The following NRG2 variants were observed in gnomAD, a reference collection of about 807,000 sequenced individuals.
NRG2 encodes pro-neuregulin-2, membrane-bound isoform.
In NRG2, 27 loss-of-function variants were observed where a neutral mutation model predicts 73.9. The ratio of observed to expected loss-of-function variants is 0.37; its 90% CI spans 0.27 to 0.50. NRG2 has a LOEUF of 0.50. NRG2 is among the 20% of genes least tolerant of loss of function. The pLI is 0.96. For synonymous variants in NRG2, 532 were observed against 541.0 expected, an observed-to-expected ratio of 0.98 and a Z score of 0.23; for missense variants, 1,126 against 1,210.1, an observed-to-expected ratio of 0.93 and a Z score of 1.03.
chr5:140,000,609 T>C (rs958326854), intron 1 of NRG2, among the ~76,000 whole-genome samples: 5 of 152,224 alleles, frequency 3.3e-5, no homozygotes, highest in African/African-American at 7.2e-5. Flanking sequence ...TCACCCAAAA[T>C]AGAGCTGAGC....
intron 1 of NRG2, among the ~76,000 whole-genome samples, chr5:139,976,222 G>A (rs1561722772): frequency 6.6e-6 from 1 of 152,206 alleles, no homozygotes; most frequent in Non-Finnish European, 1.5e-5. Flanking sequence ...AGGGTTGTCA[G>A]AGCCTCCCAC....
intron 1 of NRG2, among the ~76,000 whole-genome samples, chr5:139,930,915 G>A (rs1752425021): frequency 6.6e-6 from 1 of 152,194 alleles, no homozygotes; most frequent in Non-Finnish European, 1.5e-5. Flanking sequence ...GTTTCACACG[G>A]TAACAGTCAG....
intron 1 of NRG2, among the ~76,000 whole-genome samples, chr5:139,969,703 G>A (rs998468089): frequency 5.3e-5 from 8 of 152,314 alleles, no homozygotes; most frequent in African/African-American, 1.9e-4. Flanking sequence ...TTGCCCTCAA[G>A]TATTTTAGAG....
chr5:139,860,332 C>T (rs770578027), intron 5 of NRG2, among the ~76,000 whole-genome samples: 18 of 152,108 alleles, frequency 1.2e-4, no homozygotes, highest in Non-Finnish European at 1.5e-5. Context: ...CTCAAGCCTT[C>T]CTGCAGACAG....
chr5:139,962,616 CAGGA>C (rs1755162674), intron 1 of NRG2, among the ~76,000 whole-genome samples: 1 of 152,202 alleles, frequency 6.6e-6, no homozygotes, highest in Non-Finnish European at 1.5e-5. Flanking sequence ...ACCGTCTTCA[CAGGA>C]AGTCCTGTGA....
intron 1 of NRG2, among the ~76,000 whole-genome samples, chr5:139,965,427 C>T (rs1177985170): frequency 6.6e-6 from 1 of 152,242 alleles, no homozygotes; most frequent in Admixed American, 6.5e-5. Context: ...AAGGCATTCC[C>T]CAGCCCCAGA....
Position 139,852,936 on chromosome 5 carries a change from G to C in NRG2, c.1384C>G (p.Arg462Gly), listed in dbSNP as rs1404779373. The C allele has an allele frequency of 1.9e-6, 3 of 1,611,596 alleles. No homozygotes were observed. Among genetic ancestry groups the C allele is most frequent in the Non-Finnish European group, 2.5e-6 (3 of 1,179,310 alleles). The change falls in exon 7 of 10, where the codon CGG becomes GGG. Residue 462 changes from arginine to glycine, a missense_variant. Arg to Gly is a moderately radical substitution (Grantham distance 125, BLOSUM62 -2). Transcript: ENST00000361474. The surrounding 1 kb of genome is among the most constrained non-coding windows in gnomAD (Gnocchi z 4.4). ...ATCTGGATCTCCTCTGGGTCCAGCC[G>C]GGGGTGGCTGGGCCCATTGGCCAAG... ...RSLANGPSHP[R>G]LDPEEIQMAD... is the part of the protein sequence containing the mutation.
At chr5:139,983,923 G>T (rs772699302) in intron 1 of NRG2, among the ~76,000 whole-genome samples, 1 of 152,108 alleles carries the variant, frequency 6.6e-6, no homozygotes, top group African/African-American at 2.4e-5. Context: ...TTCCAAAAGA[G>T]AGAAATAGAC....
chr5:140,009,963 G>A (rs921533654), intron 1 of NRG2, among the ~76,000 whole-genome samples: 1 of 152,126 alleles, frequency 6.6e-6, no homozygotes, highest in African/African-American at 2.4e-5. Context: ...GGAGAGAGGA[G>A]TGAATGGGTG....
intron 1 of NRG2, among the ~76,000 whole-genome samples, chr5:139,952,970 G>A (rs575171215): frequency 1.3e-5 from 2 of 152,190 alleles, no homozygotes; most frequent in South Asian, 4.1e-4. Flanking sequence ...CTCATTGTGC[G>A]GCCTAATCCT....
intron 1 of NRG2, among the ~76,000 whole-genome samples, chr5:139,991,100 C>T (rs926730316): frequency 1.8e-4 from 28 of 151,896 alleles, no homozygotes; most frequent in African/African-American, 6.3e-4. Context: ...ATGGTGAAAC[C>T]CCATCTCTAC....
At chr5:140,005,874 C>T (rs1758858674) in intron 1 of NRG2, among the ~76,000 whole-genome samples, 1 of 152,218 alleles carries the variant, frequency 6.6e-6, no homozygotes, top group Non-Finnish European at 1.5e-5. Context: ...GAGGGATGCA[C>T]TGGCACTAGC....
At chr5:140,030,823 G>A (rs898041659) in intron 1 of NRG2, among the ~76,000 whole-genome samples, 2 of 152,166 alleles carry the variant, frequency 1.3e-5, no homozygotes, top group East Asian at 1.9e-4. Context: ...TGAATCACCT[G>A]GGCTGAGCTC....
Position 139,856,622 on chromosome 5 carries a change from C to G in NRG2, c.1190-844G>C, listed in dbSNP as rs1435231680. Among the ~76,000 whole-genome samples the G allele has an allele frequency of 6.6e-6, 1 of 152,220 alleles. No individual in the cohort carries two copies. The highest frequency in any genetic ancestry group is 6.5e-5 in the Admixed American group (1 of 15,284). On this transcript the variant is annotated intron_variant, in intron 5 of 9. Coordinates refer to ENST00000361474, the MANE Select transcript of NRG2 (RefSeq NM_004883.3). This position sits in a 1 kb window ranked among gnomAD's most constrained non-coding sequence, Gnocchi z 4.2. ...GCTCAGGGTAAAGTGGAGGCTGGAC[C>G]TCAATGCCTTGGCAGAGCCCTGGGA...
chr5:139,967,481 C>T (rs1040357253), intron 1 of NRG2, among the ~76,000 whole-genome samples: 2 of 152,210 alleles, frequency 1.3e-5, no homozygotes, highest in Admixed American at 6.5e-5. Context: ...CTGATGAAGA[C>T]GCTGCTGCCG....
chr5:139,852,939 G>T lies in NRG2; in HGVS notation c.1381C>A (p.Pro461Thr), dbSNP rs933868228. The change falls in exon 7 of 10, where the codon CCC (proline) becomes ACC (threonine). Residue 461 changes from proline to threonine, a missense_variant. Around this residue, in one of 3 missense-constraint regions of NRG2, gnomAD observed 539 missense variants for 703.2 expected, o/e 0.77. Transcript: ENST00000361474. The surrounding 1 kb of genome is among the most constrained non-coding windows in gnomAD (Gnocchi z 4.4). Reference sequence around the variant, plus strand: ...TGGATCTCCTCTGGGTCCAGCCGGGGGTGGCTGGGCCCATTGGCCAAGCTC... The same window carrying T: ...TGGATCTCCTCTGGGTCCAGCCGGGTGTGGCTGGGCCCATTGGCCAAGCTC... ...NRSLANGPSH[P>T]RLDPEEIQMA... 2 of 1,612,136 alleles carry T rather than the reference G, an allele frequency of 1.2e-6. No homozygotes were observed. Among genetic ancestry groups the T allele is most frequent in the Non-Finnish European group, 8.5e-7 (1 of 1,179,432 alleles).
chr5:139,945,307 A>C (rs1168066979), intron 1 of NRG2, among the ~76,000 whole-genome samples: 3 of 152,038 alleles, frequency 2.0e-5, no homozygotes, highest in Non-Finnish European at 4.4e-5. Context: ...TCTTATTCAT[A>C]AAATATTTTC....
chr5:139,907,560 C>T (rs1473082086), intron 1 of NRG2, among the ~76,000 whole-genome samples: 3 of 152,192 alleles, frequency 2.0e-5, no homozygotes, highest in African/African-American at 2.4e-5. Flanking sequence ...TGGGGGATTG[C>T]AGCCAGATGA....
At position 139,894,071 on chromosome 5, in the gene NRG2, T is replaced by C. The variant is rs1764394882; in HGVS notation, c.701-6560A>G. On this transcript the variant is annotated intron_variant, in intron 1 of 9. Transcript: ENST00000361474. This position sits in a 1 kb window ranked among gnomAD's most constrained non-coding sequence, Gnocchi z 5.0. The stretch of plus-strand genomic sequence containing the variant: ...CAGCCCTGAGACCAGGGGGTGCCGC[T>C]GCTGCCAGCAGCTTAACCTCATTCC... Among the ~76,000 whole-genome samples, 1 of 152,140 alleles carries C rather than the reference T, an allele frequency of 6.6e-6. No homozygotes were observed. Among genetic ancestry groups the C allele is most frequent in the Non-Finnish European group, 1.5e-5 (1 of 68,026 alleles).
Sources: gnomAD v4.1 joint callset for allele counts (sites outside exome capture counted in the v4.1 genomes callset) on GRCh38, gnomAD v4.1.1 for gene constraint, gnomAD v4.1.1 regional missense constraint, Gnocchi (gnomAD v3.1) non-coding constraint, MANE v1.5 for transcripts, NCBI Gene and HGNC (gene_info 2026-07-23, HGNC 2026-07-21) for gene names.